Variants in WASF1 observed in about 807,000 individuals in gnomAD.
WASF1 encodes actin-binding protein WASF1.
Under a neutral mutation model 50.5 loss-of-function variants are expected in WASF1, and 7 were observed. The ratio of observed to expected loss-of-function variants is 0.14; its 90% confidence interval spans 0.08 to 0.26. WASF1 has a LOEUF of 0.26. WASF1 is among the 10% of genes least tolerant of loss of function. The pLI is 1.00. For synonymous variants in WASF1, 205 were observed against 244.0 expected (o/e 0.84, Z 1.49); for missense variants, 470 against 694.7 (o/e 0.68, Z 3.64).
chr6:110,168,578 A>G (rs1048358783), intron 2 of WASF1, among the ~76,000 whole-genome samples: 7 of 152,060 alleles, frequency 4.6e-5, no homozygotes, highest in African/African-American at 1.7e-4. Flanking sequence ...CCCACTTCAA[A>G]TGATGTGGCT....
At chr6:110,109,552 CT>C (rs374420298) in intron 5 of WASF1, among the ~76,000 whole-genome samples, 17,326 of 135,318 alleles carry the variant, frequency 0.13, 1,032 homozygotes, top group African/African-American at 0.24. Context: ...CCTAACAATT[CT>C]TTTTTTTTTT....
intron 3 of WASF1, among the ~76,000 whole-genome samples, chr6:110,154,732 C>A (rs1775981902): frequency 6.6e-6 from 1 of 151,968 alleles, no homozygotes; most frequent in Non-Finnish European, 1.5e-5. Context: ...CAAACAAACA[C>A]ACCACAAATT....
rs142645880 is a variant in WASF1 at position 110,116,777 on chromosome 6, C to T, written c.134-3317G>A. ...ACTGGGGAACACCTCCCAGTAGGGG[C>T]CAACAGACACCTCAAACAGGTGGGT... On this transcript the variant is annotated intron_variant, in intron 4 of 10. Transcript: ENST00000392589. Among the ~76,000 whole-genome samples, 128 of 152,156 alleles carry T rather than the reference C, an allele frequency of 8.4e-4. 3 individuals are homozygous for T. The East Asian group carries it at 0.012, about 14-fold the overall frequency.
At chr6:110,104,415 C>A (rs558876988) in intron 8 of WASF1, among the ~76,000 whole-genome samples, 3 of 152,048 alleles carry the variant, frequency 2.0e-5, no homozygotes, top group Non-Finnish European at 4.4e-5. Context: ...TAAAATAGGT[C>A]AAGATGTTGC....
At chr6:110,160,276 G>A (rs757139798) in intron 3 of WASF1, among the ~76,000 whole-genome samples, 1 of 151,786 alleles carries the variant, frequency 6.6e-6, no homozygotes, top group African/African-American at 2.4e-5. Context: ...ACGAGATATA[G>A]GACTCTTTTA....
At chr6:110,171,542 T>C (rs1189056053) in intron 2 of WASF1, among the ~76,000 whole-genome samples, 1 of 151,874 alleles carries the variant, frequency 6.6e-6, no homozygotes, top group Admixed American at 6.6e-5. Flanking sequence ...AAGTCTGTAT[T>C]AGAAAAGTAG....
chr6:110,106,356 AC>A (rs1773324868), intron 7 of WASF1, among the ~76,000 whole-genome samples: 1 of 152,236 alleles, frequency 6.6e-6, no homozygotes, highest in Non-Finnish European at 1.5e-5. Context: ...TAGCTAGAAC[AC>A]TGGGTTACCA....
chr6:110,134,153 G>A (rs1774833120), intron 3 of WASF1, among the ~76,000 whole-genome samples: 1 of 151,942 alleles, frequency 6.6e-6, no homozygotes, highest in Admixed American at 6.6e-5. Context: ...CCTGACTTCA[G>A]GTGATCCACC....
intron 3 of WASF1, among the ~76,000 whole-genome samples, chr6:110,129,836 G>C (rs1343687979): frequency 6.6e-6 from 1 of 152,144 alleles, no homozygotes; most frequent in African/African-American, 2.4e-5. Flanking sequence ...ACCTACAATA[G>C]AAGAGGTTTT....
intron 3 of WASF1, among the ~76,000 whole-genome samples, chr6:110,135,751 A>G (rs1030704551): frequency 3.1e-5 from 4 of 129,486 alleles, no homozygotes; most frequent in African/African-American, 9.2e-5. Flanking sequence ...TTTTTTACCA[A>G]TTACTGGATT....
At chr6:110,137,996 T>G (rs763267408) in intron 3 of WASF1, among the ~76,000 whole-genome samples, 5 of 152,246 alleles carry the variant, frequency 3.3e-5, no homozygotes, top group Non-Finnish European at 7.3e-5. Context: ...TCAGGGCCAC[T>G]GGGCTTGTTC....
rs1481763765 is a variant in WASF1 at position 110,101,833 on chromosome 6, G to A, written c.1277C>T (p.Pro426Leu). The A allele has an allele frequency of 1.9e-6, 3 of 1,613,968 alleles. No homozygotes were observed. In the Admixed American group the frequency reaches 5.0e-5, roughly 27 times the overall value. ...PQGEVQGLPP[P>L]PPPPPLPPPG... ...TGGAGGCAGAGGAGGCGGTGGTGGG[G>A]GTGGAGGCAGCCCCTGAACTTCACC... Residue 426 changes from proline to leucine, a missense_variant, in exon 10 of 11, where the codon CCC becomes CTC. By Grantham distance (98) the Pro-to-Leu change is moderately conservative. Coordinates refer to ENST00000392589, the MANE Select transcript of WASF1 (RefSeq NM_003931.3).
At chr6:110,132,087 TTTTC>T (rs1219034469) in intron 3 of WASF1, among the ~76,000 whole-genome samples, 1 of 152,154 alleles carries the variant, frequency 6.6e-6, no homozygotes, top group Non-Finnish European at 1.5e-5. Flanking sequence ...TGTTTTATAG[TTTTC>T]TAAAGAGAAG....
chr6:110,146,853 T>C (rs927529241), intron 3 of WASF1, among the ~76,000 whole-genome samples: 3 of 152,090 alleles, frequency 2.0e-5, no homozygotes, highest in Admixed American at 6.5e-5. Context: ...AAGCAAACTT[T>C]AAAACTACTC....
At chr6:110,139,459 A>G (rs1775123215) in intron 3 of WASF1, among the ~76,000 whole-genome samples, 5 of 152,252 alleles carry the variant, frequency 3.3e-5, no homozygotes, top group Non-Finnish European at 7.3e-5. Context: ...TGCCGCCATC[A>G]TAAGCAAAAC....
intron 3 of WASF1, among the ~76,000 whole-genome samples, chr6:110,149,651 AGAGAT>A (rs1284864620): frequency 2.6e-5 from 4 of 152,196 alleles, no homozygotes; most frequent in Non-Finnish European, 5.9e-5. Flanking sequence ...AATCAGTGGC[AGAGAT>A]GAGACTAGAT....
intron 2 of WASF1, among the ~76,000 whole-genome samples, chr6:110,161,564 G>A (rs1051904670): frequency 2.0e-5 from 3 of 151,550 alleles, no homozygotes; most frequent in Non-Finnish European, 3.0e-5. Context: ...CAAGATATGT[G>A]AGACCTCATT....
At chr6:110,127,336 CTA>C in intron 4 of WASF1, 131 bp downstream of exon 4, 1 of 687,648 alleles carries the variant, frequency 1.5e-6, no homozygotes, top group East Asian at 3.4e-5. Context: ...ACTCATGTGA[CTA>C]TATTTTTCAG....
intron 8 of WASF1, among the ~76,000 whole-genome samples, chr6:110,105,129 CGA>C: frequency 6.6e-6 from 1 of 152,206 alleles, no homozygotes; most frequent in South Asian, 2.1e-4. Flanking sequence ...CCTGAAATAT[CGA>C]GAGGCTATTG....
Sources: allele counts gnomAD v4.1 joint callset (sites outside exome capture counted in the v4.1 genomes callset), GRCh38; gene constraint gnomAD v4.1.1; transcripts MANE v1.5; gene names NCBI Gene and HGNC (gene_info 2026-07-23, HGNC 2026-07-21).